Variants in GLRA2 observed in about 807,000 individuals in gnomAD.
GLRA2 encodes the protein glycine receptor subunit alpha-2.
Under a neutral mutation model 31.6 loss-of-function variants are expected in GLRA2, and 11 were observed. The observed-to-expected ratio is 0.35, with a 90% CI of 0.22 to 0.58. The LOEUF (loss-of-function observed/expected upper bound fraction) is 0.58, where lower values mean the gene tolerates loss of function less well. Ranked by LOEUF, GLRA2 falls within the 20% of genes least tolerant of loss-of-function variation. The probability of loss-of-function intolerance (pLI) is 0.84; values close to 1 mark genes in which losing one functional copy is unlikely to be tolerated. For missense variants in GLRA2, 212 were observed against 351.8 expected (o/e 0.60, Z 3.18); for synonymous variants, 132 against 134.0 (o/e 0.99, Z 0.10).
the GLRA2 span, among the ~76,000 whole-genome samples, chrX:14,517,715 C>A: frequency 1.8e-5 from 2 of 111,341 alleles, no homozygotes; most frequent in African/African-American, 3.3e-5. Context: ...CATATAAGAA[C>A]ACATCTTCAT....
the GLRA2 span, among the ~76,000 whole-genome samples, chrX:14,488,715 T>C: frequency 8.9e-6 from 1 of 112,504 alleles, no homozygotes; most frequent in African/African-American, 3.2e-5. Flanking sequence ...TCTACTAATA[T>C]AGTTTGTAAT....
At chrX:14,477,897 G>A in the GLRA2 span, among the ~76,000 whole-genome samples, 6 of 111,010 alleles carry the variant, frequency 5.4e-5, no homozygotes, top group African/African-American at 2.0e-4. Flanking sequence ...CCCATGCACA[G>A]CTGATCAGCC....
At chrX:14,661,497 AAAAAT>A (rs2090989975) in intron 7 of GLRA2, among the ~76,000 whole-genome samples, 1 of 112,140 alleles carries the variant, frequency 8.9e-6, no homozygotes, top group South Asian at 3.7e-4. Flanking sequence ...TCTGAGAAAA[AAAAAT>A]GTATAGCTGA....
chrX:14,453,267 G>A, the GLRA2 span, among the ~76,000 whole-genome samples: 4 of 111,516 alleles, frequency 3.6e-5, no homozygotes, highest in African/African-American at 9.8e-5. Context: ...GCCTCTTTGG[G>A]ACATTTAGCA....
At chrX:14,638,687 T>A (rs905556666) in intron 7 of GLRA2, among the ~76,000 whole-genome samples, 1 of 111,092 alleles carries the variant, frequency 9.0e-6, no homozygotes, top group Non-Finnish European at 1.9e-5. Flanking sequence ...AGCACCTATA[T>A]GCATTTGATA....
intron 4 of GLRA2, among the ~76,000 whole-genome samples, chrX:14,592,961 C>T (rs934871850): frequency 2.7e-5 from 3 of 112,072 alleles, no homozygotes; most frequent in African/African-American, 6.5e-5. Flanking sequence ...GCTATTATTA[C>T]TCATCACCTG....
the GLRA2 span, among the ~76,000 whole-genome samples, chrX:14,489,766 CTT>C: frequency 1.8e-5 from 2 of 112,407 alleles, no homozygotes; most frequent in Non-Finnish European, 3.8e-5. Flanking sequence ...GGATTTGTCG[CTT>C]TGTCACTGCT....
intron 2 of GLRA2, among the ~76,000 whole-genome samples, chrX:14,549,081 A>G (rs1336681324): frequency 8.9e-6 from 1 of 112,161 alleles, no homozygotes; most frequent in Non-Finnish European, 1.9e-5. Context: ...AGGAGAACTC[A>G]GTTCACTGAG....
chrX:14,615,343 T>C (rs890146720), intron 7 of GLRA2, among the ~76,000 whole-genome samples: 2 of 112,097 alleles, frequency 1.8e-5, no homozygotes, highest in African/African-American at 6.5e-5. Context: ...CTAACACTTA[T>C]TGAATGTTTT....
intron 8 of GLRA2, among the ~76,000 whole-genome samples, chrX:14,722,207 T>G (rs2091874971): frequency 8.9e-6 from 1 of 112,112 alleles, no homozygotes; most frequent in Non-Finnish European, 1.9e-5. Context: ...AGCTAGGCAG[T>G]TGTGGTTCGG....
the GLRA2 span, among the ~76,000 whole-genome samples, chrX:14,500,451 G>A: frequency 8.9e-6 from 1 of 112,540 alleles, no homozygotes; most frequent in Non-Finnish European, 1.9e-5. Context: ...GCATGGTGAT[G>A]CTAAACAGCC....
At chrX:14,555,203 G>C (rs934527585) in intron 2 of GLRA2, among the ~76,000 whole-genome samples, 2 of 111,764 alleles carry the variant, frequency 1.8e-5, no homozygotes, top group African/African-American at 6.5e-5. Context: ...AAGATCTCAA[G>C]GTTTAGGAGG....
chrX:14,682,873 C>T (rs992040264), intron 7 of GLRA2, among the ~76,000 whole-genome samples: 4 of 111,179 alleles, frequency 3.6e-5, no homozygotes, highest in African/African-American at 1.3e-4. Flanking sequence ...CTACAAAGGA[C>T]ATGAACTCAT....
the GLRA2 span, among the ~76,000 whole-genome samples, chrX:14,519,837 AATCTT>A: frequency 8.9e-6 from 1 of 112,129 alleles, no homozygotes; most frequent in African/African-American, 3.2e-5. Context: ...TACTTTGTCT[AATCTT>A]CAAAGAAATA....
At chrX:14,504,410 T>TG in the GLRA2 span, among the ~76,000 whole-genome samples, 1 of 111,697 alleles carries the variant, frequency 9.0e-6, no homozygotes, top group Non-Finnish European at 1.9e-5. Flanking sequence ...AAACAGGTTT[T>TG]TTTTTGTTTT....
At chrX:14,677,116 C>T (rs997969318) in intron 7 of GLRA2, among the ~76,000 whole-genome samples, 3 of 111,691 alleles carry the variant, frequency 2.7e-5, no homozygotes, top group Non-Finnish European at 5.6e-5. Context: ...TTCTCCTTTC[C>T]GTTAATGAAA....
chrX:14,485,209 T>TTC, the GLRA2 span, among the ~76,000 whole-genome samples: 3 of 112,074 alleles, frequency 2.7e-5, no homozygotes, highest in African/African-American at 9.7e-5. Context: ...GAGTGTGAGG[T>TTC]TATCTCTAGG....
intron 8 of GLRA2, among the ~76,000 whole-genome samples, chrX:14,701,968 T>G (rs1202901473): frequency 8.9e-6 from 1 of 112,094 alleles, no homozygotes. Flanking sequence ...TTTAAGTGCA[T>G]GATTTAAAGT....
At chrX:14,640,537 A>G (rs980993030) in intron 7 of GLRA2, among the ~76,000 whole-genome samples, 2 of 111,541 alleles carry the variant, frequency 1.8e-5, no homozygotes, top group Admixed American at 9.6e-5. Context: ...AAATTTTTAT[A>G]TATGTATACA....
Sources: allele counts gnomAD v4.1 joint callset (sites outside exome capture counted in the v4.1 genomes callset), GRCh38; gene constraint gnomAD v4.1.1; transcripts MANE v1.5; gene names NCBI Gene and HGNC (gene_info 2026-07-23, HGNC 2026-07-21).